The following KCNH1 variants were observed in gnomAD, a reference collection of about 807,000 sequenced individuals.
The protein encoded by KCNH1 is potassium voltage-gated channel subfamily H member 1.
In KCNH1, 27 loss-of-function variants were observed where a neutral mutation model predicts 69.2. The ratio of observed to expected loss-of-function variants is 0.39; its 90% confidence interval spans 0.29 to 0.54. The LOEUF (loss-of-function observed/expected upper bound fraction) is 0.54. Ranked by LOEUF, KCNH1 falls within the 20% of genes least tolerant of loss-of-function variation. The pLI is 0.68. For missense variants in KCNH1, 798 were observed against 1,261.6 expected (o/e 0.63, Z 5.57); for synonymous variants, 456 against 487.7 (o/e 0.93, Z 0.86).
chr1:210,995,075 G>A (rs1031821955), intron 6 of KCNH1, among the ~76,000 whole-genome samples: 1 of 151,914 alleles, frequency 6.6e-6, no homozygotes, highest in African/African-American at 2.4e-5. Context: ...TCTCTATTTT[G>A]GTGGGGCACC....
intron 7 of KCNH1, among the ~76,000 whole-genome samples, chr1:210,866,954 A>C (rs1363519058): frequency 2.0e-5 from 3 of 152,148 alleles, no homozygotes; most frequent in African/African-American, 7.2e-5. Context: ...AATACTGATA[A>C]ATGCTACAAA....
chr1:210,950,834 T>C (rs1429345582), intron 6 of KCNH1, among the ~76,000 whole-genome samples: 1 of 152,136 alleles, frequency 6.6e-6, no homozygotes, highest in Non-Finnish European at 1.5e-5. Flanking sequence ...AACTGACAAA[T>C]ACTGGCTAAA....
At chr1:211,074,160 G>C (rs567617851) in intron 5 of KCNH1, among the ~76,000 whole-genome samples, 1 of 145,406 alleles carries the variant, frequency 6.9e-6, no homozygotes, top group East Asian at 2.0e-4. Context: ...ACCATTCTAA[G>C]TGCTTGAGAT....
At chr1:210,986,029 A>G (rs1688826081) in intron 6 of KCNH1, among the ~76,000 whole-genome samples, 1 of 152,108 alleles carries the variant, frequency 6.6e-6, no homozygotes, top group Non-Finnish European at 1.5e-5. Context: ...TCCCTTTACC[A>G]TTATGTAATG....
intron 10 of KCNH1, among the ~76,000 whole-genome samples, chr1:210,740,704 ATTTTTTTT>A (rs199727493): frequency 0.072 from 8,396 of 117,248 alleles, 289 homozygotes; most frequent in Admixed American, 0.12. Flanking sequence ...TTATGATTAA[ATTTTTTTT>A]TTTTTTTTTT....
intron 10 of KCNH1, among the ~76,000 whole-genome samples, chr1:210,761,281 T>C (rs1336541842): frequency 8.4e-6 from 1 of 118,480 alleles, no homozygotes; most frequent in African/African-American, 3.1e-5. Flanking sequence ...AAAAAGTACA[T>C]GTAAGCACAT....
intron 4 of KCNH1, among the ~76,000 whole-genome samples, chr1:211,088,601 A>G (rs1476489393): frequency 6.6e-6 from 1 of 152,252 alleles, no homozygotes; most frequent in Non-Finnish European, 1.5e-5. Flanking sequence ...CTGCCATGGC[A>G]TTTGAGATGA....
intron 7 of KCNH1, among the ~76,000 whole-genome samples, chr1:210,917,102 T>C (rs894477121): frequency 2.0e-5 from 3 of 151,166 alleles, no homozygotes; most frequent in Admixed American, 1.3e-4. Flanking sequence ...GAGCCTATCA[T>C]ACCACTGCAC....
intron 6 of KCNH1, among the ~76,000 whole-genome samples, chr1:210,978,231 G>C (rs1247903957): frequency 6.6e-6 from 1 of 151,780 alleles, no homozygotes; most frequent in Admixed American, 6.6e-5. Flanking sequence ...GTAGAGACAG[G>C]GTTTCACCAT....
chr1:211,063,336 G>A (rs1008585952), intron 5 of KCNH1: 1 of 152,184 alleles, frequency 6.6e-6, no homozygotes, highest in South Asian at 2.1e-4. Context: ...GTGGAATAAA[G>A]AGGAGATGGT....
At chr1:210,885,099 C>G (rs191663214) in intron 7 of KCNH1, among the ~76,000 whole-genome samples, 20 of 152,194 alleles carry the variant, frequency 1.3e-4, no homozygotes, top group Non-Finnish European at 2.8e-4. Context: ...AGAATCTGAC[C>G]ATAAACCCGT....
intron 5 of KCNH1, among the ~76,000 whole-genome samples, chr1:211,042,702 T>G (rs959430603): frequency 6.6e-6 from 1 of 152,130 alleles, no homozygotes; most frequent in East Asian, 1.9e-4. Context: ...TTCTCCAAGA[T>G]AGACCATATG....
intron 5 of KCNH1, among the ~76,000 whole-genome samples, chr1:211,061,438 A>G (rs1313891910): frequency 6.6e-6 from 1 of 152,208 alleles, no homozygotes; most frequent in Non-Finnish European, 1.5e-5. Context: ...CTGTTATTCA[A>G]CATAGTACTG....
At chr1:211,128,934 A>G (rs935907806) in intron 1 of KCNH1, among the ~76,000 whole-genome samples, 7 of 152,188 alleles carry the variant, frequency 4.6e-5, no homozygotes, top group Non-Finnish European at 1.0e-4. Context: ...GGCAAAAGAA[A>G]CACAATTATA....
Position 210,727,518 on chromosome 1 carries a change from G to A in KCNH1, c.2113-43380C>T, listed in dbSNP as rs573524097. ...CTGGTCCTCTGGTTAACTTTTCATT[G>A]TCCACGAGGAAATAGTGGGTAGGGT... On this transcript the variant is annotated intron_variant, in intron 10 of 10. Transcript: ENST00000271751. Among the ~76,000 whole-genome samples, 3 of 152,068 alleles carry A rather than the reference G, an allele frequency of 2.0e-5. No homozygotes were observed. In the East Asian group the frequency reaches 5.8e-4, roughly 29 times the overall value.
chr1:211,104,515 C>T (rs2102484121), intron 2 of KCNH1, among the ~76,000 whole-genome samples: 1 of 152,238 alleles, frequency 6.6e-6, no homozygotes, highest in East Asian at 1.9e-4. Flanking sequence ...TTCCTGGGCC[C>T]CACACTGAAT....
intron 6 of KCNH1, among the ~76,000 whole-genome samples, chr1:210,990,461 C>A (rs541772557): frequency 2.0e-5 from 3 of 152,210 alleles, no homozygotes; most frequent in African/African-American, 7.2e-5. Context: ...GCCCAAAGGT[C>A]AAGAAAAGAT....
rs1430143183 is a variant in KCNH1, at chr1:210,753,177, C to T, written c.2112+22171G>A. 2.0e-5 allele frequency among the ~76,000 whole-genome samples: 3 copies of T among 152,150 alleles called. No homozygotes were observed. In the East Asian group the frequency reaches 5.8e-4, roughly 29 times the overall value. The stretch of plus-strand genomic sequence containing the variant: ...CCACCAAATTTATGATAATCTGCTA[C>T]ACCAGTCATAGGAAACGAATAATTA... On this transcript the variant is annotated intron_variant, in intron 10 of 10. Transcript: ENST00000271751.
intron 5 of KCNH1, among the ~76,000 whole-genome samples, chr1:211,079,190 T>A (rs1247908425): frequency 6.6e-6 from 1 of 152,018 alleles, no homozygotes; most frequent in East Asian, 1.9e-4. Context: ...TATAAACACC[T>A]CTATGCAAAT....
Sources: gnomAD v4.1 joint callset for allele counts (sites outside exome capture counted in the v4.1 genomes callset) on GRCh38, gnomAD v4.1.1 for gene constraint, MANE v1.5 for transcripts, NCBI Gene and HGNC (gene_info 2026-07-23, HGNC 2026-07-21) for gene names.